PTPRD: variants seen among roughly 807,000 people sequenced by gnomAD.
The protein encoded by PTPRD is protein tyrosine phosphatase receptor type D, also known as receptor-type tyrosine-protein phosphatase delta.
In PTPRD, 34 loss-of-function variants were observed where a neutral mutation model predicts 214.5. The ratio of observed to expected loss-of-function variants is 0.16; its 90% confidence interval spans 0.12 to 0.21. The LOEUF (loss-of-function observed/expected upper bound fraction) is 0.21. Ranked by LOEUF, PTPRD falls within the 10% of genes least tolerant of loss-of-function variation. The pLI is 1.00. For synonymous variants in PTPRD, 1,128 were observed against 845.7 expected (o/e 1.33, Z -5.79); for missense variants, 2,545 against 2,398.7 (o/e 1.06, Z -1.27).
intron 10 of PTPRD, among the ~76,000 whole-genome samples, chr9:9,057,309 G>C (rs1261148302): frequency 6.6e-6 from 1 of 152,026 alleles, no homozygotes; most frequent in East Asian, 1.9e-4. Context: ...TTTTTTCTAA[G>C]AATCGAAGTA....
At chr9:8,556,757 G>A (rs560781228) in intron 14 of PTPRD, among the ~76,000 whole-genome samples, 5 of 152,022 alleles carry the variant, frequency 3.3e-5, no homozygotes, top group African/African-American at 4.8e-5. Context: ...TAAAAAAAGT[G>A]TAAGAATCCA....
chr9:10,542,626 C>T (rs990708802), intron 2 of PTPRD, among the ~76,000 whole-genome samples: 8 of 152,038 alleles, frequency 5.3e-5, no homozygotes, highest in Admixed American at 5.2e-4. Flanking sequence ...AGTTGTTGAT[C>T]ACTTACCTTT....
chr9:8,373,908 A>ACC (rs1564369267), intron 39 of PTPRD, among the ~76,000 whole-genome samples: 6 of 92,092 alleles, frequency 6.5e-5, no homozygotes, highest in South Asian at 3.4e-4. Context: ...CTATCTATCT[A>ACC]TCTATCTACC....
chr9:9,251,979 T>G (rs1031943691), intron 9 of PTPRD, among the ~76,000 whole-genome samples: 2 of 152,098 alleles, frequency 1.3e-5, no homozygotes, highest in African/African-American at 4.8e-5. Context: ...CCTATTGTCT[T>G]TACAACCTAT....
chr9:9,998,074 C>G (rs1280807327), intron 4 of PTPRD, among the ~76,000 whole-genome samples: 1 of 145,146 alleles, frequency 6.9e-6, no homozygotes, highest in Admixed American at 7.1e-5. Context: ...GGAACACAAA[C>G]CTGCACGCTG....
intron 21 of PTPRD, among the ~76,000 whole-genome samples, chr9:8,512,756 A>C (rs2097706851): frequency 6.6e-6 from 1 of 152,022 alleles, no homozygotes; most frequent in Admixed American, 6.6e-5. Context: ...GAATAGATGT[A>C]ATTAGAGGTC....
At chr9:8,437,288 CA>C (rs201564000) in intron 34 of PTPRD, 704 of 1,292,628 alleles carry the variant, frequency 5.4e-4, no homozygotes, top group South Asian at 8.1e-4. Flanking sequence ...ACAAATTCTT[CA>C]AAAAAAAATG....
intron 11 of PTPRD, among the ~76,000 whole-genome samples, chr9:8,761,491 G>T (rs929903904): frequency 2.0e-5 from 3 of 152,168 alleles, no homozygotes; most frequent in Admixed American, 2.0e-4. Context: ...GAGCAAGCAA[G>T]CTAAATTAGA....
At chr9:8,378,396 A>T (rs899280722) in intron 37 of PTPRD, among the ~76,000 whole-genome samples, 1 of 151,946 alleles carries the variant, frequency 6.6e-6, no homozygotes, top group African/African-American at 2.4e-5. Flanking sequence ...TAGAACCAAC[A>T]CTACTTCAGC....
intron 39 of PTPRD, among the ~76,000 whole-genome samples, chr9:8,345,514 C>G (rs1411007964): frequency 6.6e-6 from 1 of 151,978 alleles, no homozygotes; most frequent in African/African-American, 2.4e-5. Context: ...GAAAAGCTTT[C>G]TATCCTTGGT....
At chr9:9,098,031 A>AT in intron 10 of PTPRD, among the ~76,000 whole-genome samples, 1 of 151,790 alleles carries the variant, frequency 6.6e-6, no homozygotes, top group East Asian at 1.9e-4. Context: ...AAGTGTTTTA[A>AT]TTTTTTAACA....
chr9:9,709,333 A>G (rs1222883221), intron 7 of PTPRD, among the ~76,000 whole-genome samples: 1 of 152,020 alleles, frequency 6.6e-6, no homozygotes, highest in African/African-American at 2.4e-5. Context: ...ATGACTTTCT[A>G]TAACTTTCTC....
chr9:9,548,338 G>A (rs1264856535), intron 8 of PTPRD, among the ~76,000 whole-genome samples: 2 of 151,408 alleles, frequency 1.3e-5, no homozygotes, highest in Non-Finnish European at 2.9e-5. Flanking sequence ...CAATTAAAGG[G>A]CAAAGATTGC....
intron 14 of PTPRD, among the ~76,000 whole-genome samples, chr9:8,580,093 T>C (rs911096429): frequency 2.6e-5 from 4 of 152,178 alleles, no homozygotes; most frequent in African/African-American, 9.7e-5. Flanking sequence ...TTTCTATTAA[T>C]AACAAATGTG....
At chr9:10,138,429 A>T (rs1449710083) in intron 3 of PTPRD, among the ~76,000 whole-genome samples, 1 of 152,068 alleles carries the variant, frequency 6.6e-6, no homozygotes, top group Non-Finnish European at 1.5e-5. Flanking sequence ...ACAAACAAAC[A>T]AACAAACAAA....
Position 10,612,516 on chromosome 9 carries a change from G to A in PTPRD, c.-707-11C>T, listed in dbSNP as rs2133862897. On this transcript the variant is annotated splice_polypyrimidine_tract_variant and intron_variant, in intron 1 of 45. Transcript: ENST00000381196. ...CAGGCCCAGAATAAACTGCAAAAAG[G>A]GATGGCACATGCACAGCAGCCCGTC... 6.6e-6 allele frequency: 1 copy of A among 152,370 alleles called. No homozygotes were observed. Among genetic ancestry groups the A allele is most frequent in the African/African-American group, 2.4e-5 (1 of 41,588 alleles). 9.4% of individuals were successfully genotyped at this position (152,370 alleles called of 1,614,324 possible).
intron 11 of PTPRD, among the ~76,000 whole-genome samples, chr9:8,753,331 C>G (rs2093696296): frequency 6.6e-6 from 1 of 152,160 alleles, no homozygotes; most frequent in East Asian, 1.9e-4. Flanking sequence ...CTGATTTCAC[C>G]AAGTACACTG....
intron 5 of PTPRD, among the ~76,000 whole-genome samples, chr9:9,839,538 C>G (rs530595069): frequency 6.6e-6 from 1 of 151,914 alleles, no homozygotes. Context: ...AACCACTGCT[C>G]AATGAAATAA....
chr9:8,510,617 A>C, intron 21 of PTPRD, among the ~76,000 whole-genome samples: 1 of 152,192 alleles, frequency 6.6e-6, no homozygotes, highest in East Asian at 1.9e-4. Context: ...ATGTGTCTAC[A>C]GGCTAGATTC....
Sources: gnomAD v4.1 joint callset for allele counts (sites outside exome capture counted in the v4.1 genomes callset) on GRCh38, gnomAD v4.1.1 for gene constraint, MANE v1.5 for transcripts, NCBI Gene and HGNC (gene_info 2026-07-23, HGNC 2026-07-21) for gene names.